The following TBC1D12 variants were observed in gnomAD, a reference collection of about 807,000 sequenced individuals.
TBC1D12 encodes the protein TBC1 domain family, member 12.
Under a neutral mutation model 86.7 loss-of-function variants are expected in TBC1D12, and 56 were observed. That is an observed-to-expected ratio of 0.65 (90% CI 0.52 to 0.81). TBC1D12 has a LOEUF of 0.81. Ranked by LOEUF, TBC1D12 falls within the 30% of genes least tolerant of loss-of-function variation. The pLI is 0.00. For synonymous variants in TBC1D12, 421 were observed against 411.7 expected, an observed-to-expected ratio of 1.02 and a Z score of -0.27; for missense variants, 1,023 against 1,038.8, an observed-to-expected ratio of 0.98 and a Z score of 0.21.
At chr10:94,532,286 T>A (rs1842454205) in intron 12 of TBC1D12, among the ~76,000 whole-genome samples, 1 of 152,058 alleles carries the variant, frequency 6.6e-6, no homozygotes, top group South Asian at 2.1e-4. Flanking sequence ...CAAGCAATTC[T>A]TTTGCTGCAG....
intron 1 of TBC1D12, among the ~76,000 whole-genome samples, chr10:94,437,324 G>T (rs2055315164): frequency 4.6e-5 from 7 of 151,396 alleles, no homozygotes; most frequent in Admixed American, 4.0e-4. Context: ...GAAGTTTTTG[G>T]TTATTTTCTT....
At chr10:94,523,213 AAAAAG>A (rs1235251051) in intron 11 of TBC1D12, among the ~76,000 whole-genome samples, 70 of 149,978 alleles carry the variant, frequency 4.7e-4, no homozygotes, top group African/African-American at 1.7e-3. Context: ...AAAAAAAAAA[AAAAAG>A]AGCATAGACT....
chr10:94,497,002 G>T, intron 4 of TBC1D12, 53 bp from the exon 5 acceptor site: 1 of 1,078,334 alleles, frequency 9.3e-7, no homozygotes. Context: ...ATGGAGAAAA[G>T]GATTTTGATC....
intron 1 of TBC1D12, among the ~76,000 whole-genome samples, chr10:94,431,671 A>G (rs2055217589): frequency 6.6e-6 from 1 of 152,214 alleles, no homozygotes; most frequent in African/African-American, 2.4e-5. Flanking sequence ...GTGTGACTAC[A>G]GTTGGCCTCC....
chr10:94,502,646 T>A (rs1025376570), intron 6 of TBC1D12, among the ~76,000 whole-genome samples: 2 of 152,150 alleles, frequency 1.3e-5, no homozygotes, highest in African/African-American at 4.8e-5. Flanking sequence ...GAGCTGTGAT[T>A]GTGCCACTGC....
chr10:94,503,791 A>G (rs1232265001), intron 6 of TBC1D12, among the ~76,000 whole-genome samples: 1 of 151,864 alleles, frequency 6.6e-6, no homozygotes, highest in African/African-American at 2.4e-5. Flanking sequence ...ACACTGACTA[A>G]TTTTTGTATT....
At chr10:94,419,683 CAAACTT>C (rs2055049447) in intron 1 of TBC1D12, among the ~76,000 whole-genome samples, 1 of 152,090 alleles carries the variant, frequency 6.6e-6, no homozygotes, top group South Asian at 2.1e-4. Context: ...AAAAAAAAGA[CAAACTT>C]AGAAGCAGCT....
intron 2 of TBC1D12, among the ~76,000 whole-genome samples, chr10:94,460,999 C>T (rs2055719313): frequency 6.6e-6 from 1 of 152,110 alleles, no homozygotes; most frequent in Non-Finnish European, 1.5e-5. Flanking sequence ...CCATTGAAGC[C>T]TTTAGTGCAT....
At chr10:94,403,650 G>C (rs1589593236) in intron 1 of TBC1D12, 66 bp downstream of exon 1, 3 of 1,298,374 alleles carry the variant, frequency 2.3e-6, no homozygotes, top group Non-Finnish European at 3.0e-6. Context: ...GGGTCTTGGT[G>C]GGAGTCGGAG....
chr10:94,465,806 A>G (rs2055807755), intron 2 of TBC1D12, among the ~76,000 whole-genome samples: 1 of 150,992 alleles, frequency 6.6e-6, no homozygotes, highest in African/African-American at 2.4e-5. Flanking sequence ...ATACATACAT[A>G]TACGCATACA....
At chr10:94,526,613 ATTTTCT>A (rs1446553340) in intron 11 of TBC1D12, among the ~76,000 whole-genome samples, 1 of 152,028 alleles carries the variant, frequency 6.6e-6, no homozygotes, top group Non-Finnish European at 1.5e-5. Context: ...TATGTACCAC[ATTTTCT>A]TTATCCATTC....
chr10:94,527,223 G>T (rs933321352), intron 11 of TBC1D12, among the ~76,000 whole-genome samples: 11 of 151,906 alleles, frequency 7.2e-5, no homozygotes, highest in Non-Finnish European at 1.2e-4. Flanking sequence ...CACTCGAGTA[G>T]CTGGGACTAC....
At chr10:94,461,657 C>G (rs1329515435) in intron 2 of TBC1D12, among the ~76,000 whole-genome samples, 3 of 152,060 alleles carry the variant, frequency 2.0e-5, no homozygotes, top group Non-Finnish European at 4.4e-5. Context: ...AGTTCTAACA[C>G]TCAGACTTGT....
rs948127581 is a variant in TBC1D12, at chr10:94,535,475, C to T, written c.*2379C>T. On this transcript the variant is annotated 3_prime_UTR_variant, in exon 13 of 13. Coordinates refer to ENST00000225235, the MANE Select transcript of TBC1D12 (RefSeq NM_015188.2). The stretch of plus-strand genomic sequence containing the variant: ...TGACTGCCTCTTTAGGAGTATGGGG[C>T]CCTAGGGTGTCCATATATTTTTACC... 2.8e-4 allele frequency: 43 copies of T among 152,050 alleles called. No homozygotes were observed. The highest frequency in any genetic ancestry group is 9.7e-4 in the African/African-American group (40 of 41,382). The allele number at this position is 152,050 out of a possible 1,614,324, so 9.4% of individuals were successfully genotyped here.
In TBC1D12 at chr10:94,442,032, A is replaced by G. The variant is rs762070142; in HGVS notation, c.1095+13A>G. 4.4e-6 allele frequency: 7 copies of G among 1,604,744 alleles called. No homozygotes were observed. The South Asian group carries it at 4.5e-5, about 10-fold the overall frequency. ...AATCATTCAGCAGGTAAGTACTGAC[A>G]TAGCCATGTAGTTTACCCTAGCTTT... On this transcript the variant is annotated intron_variant, in intron 2 of 12. Coordinates refer to ENST00000225235, the MANE Select transcript of TBC1D12 (RefSeq NM_015188.2).
chr10:94,441,428 G>A (rs1357079714), intron 1 of TBC1D12, among the ~76,000 whole-genome samples: 1 of 151,856 alleles, frequency 6.6e-6, no homozygotes, highest in Non-Finnish European at 1.5e-5. Context: ...GGCTCTTATT[G>A]TTAAGTACAT....
chr10:94,482,083 G>T (rs991042186), intron 3 of TBC1D12, among the ~76,000 whole-genome samples: 3 of 152,100 alleles, frequency 2.0e-5, no homozygotes, highest in Non-Finnish European at 4.4e-5. Context: ...GGGGTTTGTT[G>T]TACAGATTAT....
At chr10:94,528,921 T>A (rs112951233) in intron 11 of TBC1D12, among the ~76,000 whole-genome samples, 26 of 151,690 alleles carry the variant, frequency 1.7e-4, no homozygotes, top group African/African-American at 5.8e-4. Context: ...AACCAGTGGG[T>A]TTCACGTAAA....
intron 3 of TBC1D12, among the ~76,000 whole-genome samples, chr10:94,478,802 A>G (rs2056033274): frequency 6.6e-6 from 1 of 152,110 alleles, no homozygotes; most frequent in Admixed American, 6.6e-5. Context: ...AATCTTGCAA[A>G]TCGATTCTGT....
Sources: gnomAD v4.1 joint callset for allele counts (sites outside exome capture counted in the v4.1 genomes callset) on GRCh38, gnomAD v4.1.1 for gene constraint, MANE v1.5 for transcripts, NCBI Gene and HGNC (gene_info 2026-07-23, HGNC 2026-07-21) for gene names.